Variants in SPTLC2 observed in about 807,000 individuals in gnomAD.
SPTLC2 encodes serine palmitoyltransferase long chain base subunit 2.
A neutral mutation model predicts 62.0 loss-of-function variants in SPTLC2; 21 were observed. The observed-to-expected ratio is 0.34, with a 90% CI of 0.24 to 0.49. The LOEUF is 0.49. Ranked by LOEUF, SPTLC2 falls within the 20% of genes least tolerant of loss-of-function variation. The pLI is 0.99. For synonymous variants in SPTLC2, 261 were observed against 261.8 expected (o/e 1.00, Z 0.03); for missense variants, 511 against 713.0 (o/e 0.72, Z 3.23).
chr14:77,534,769 C>T (rs1416743939), intron 9 of SPTLC2, among the ~76,000 whole-genome samples: 2 of 152,096 alleles, frequency 1.3e-5, no homozygotes, highest in African/African-American at 4.8e-5. Flanking sequence ...ACTCATGATG[C>T]ACCAGATATT....
intron 9 of SPTLC2, among the ~76,000 whole-genome samples, chr14:77,548,648 A>G (rs1399600357): frequency 6.6e-6 from 1 of 152,198 alleles, no homozygotes. Flanking sequence ...CACAATTCCC[A>G]TTCATTATTA....
rs1310457032 is a variant in SPTLC2, at chr14:77,570,600, T to C, written c.632-92A>G. Reference sequence around the variant, plus strand: ...TTAAAAGAAATCATAGTATATGTGTTGTGTCCTTTTCAGACTAAGATCTAT... The same window carrying C: ...TTAAAAGAAATCATAGTATATGTGTCGTGTCCTTTTCAGACTAAGATCTAT... On this transcript the variant is annotated intron_variant, in intron 4 of 11. Transcript: ENST00000216484. 2.7e-6 allele frequency: 4 copies of C among 1,501,452 alleles called. No individual in the cohort carries two copies. In the Admixed American group the frequency reaches 6.9e-5, roughly 26 times the overall value. 93.0% of individuals were successfully genotyped at this position (1,501,452 alleles called of 1,614,324 possible). A position where few individuals can be genotyped will look rare whatever the true frequency, so the allele number is the denominator to read the frequency against.
At chr14:77,581,384 G>A (rs1360190922) in intron 2 of SPTLC2, among the ~76,000 whole-genome samples, 1 of 148,106 alleles carries the variant, frequency 6.8e-6, no homozygotes, top group Non-Finnish European at 1.5e-5. Context: ...CTAAGAATTT[G>A]CAGTACCTGA....
intron 9 of SPTLC2, among the ~76,000 whole-genome samples, chr14:77,532,965 T>C (rs2079448781): frequency 6.6e-6 from 1 of 151,830 alleles, no homozygotes; most frequent in East Asian, 1.9e-4. Flanking sequence ...CATGAACAAA[T>C]GCTTCATGTT....
intron 5 of SPTLC2, 106 bp from the exon 6 acceptor site, chr14:77,562,595 T>C (rs1393568384): frequency 9.3e-6 from 8 of 858,146 alleles, no homozygotes; most frequent in South Asian, 5.8e-5. Flanking sequence ...ATTAAGGAAA[T>C]TGTGCACAAC....
In SPTLC2 at chr14:77,568,555, T is replaced by G. The variant is rs148335560; in HGVS notation, c.756+1829A>C. Among the ~76,000 whole-genome samples, 7 of 152,286 alleles carry G rather than the reference T, an allele frequency of 4.6e-5. No individual in the cohort carries two copies. In the East Asian group the frequency reaches 1.3e-3, roughly 29 times the overall value. ...AGGGCACAGTGGCTCACGCCTGTAA[T>G]CCCAGCACTTTGGGAGGCCGAGGCA... On this transcript the variant is annotated intron_variant, in intron 5 of 11. Coordinates refer to ENST00000216484, the MANE Select transcript of SPTLC2 (RefSeq NM_004863.4).
chr14:77,514,853 A>AT lies in SPTLC2; in HGVS notation c.1570-2451dup, dbSNP rs2079350974. On this transcript the variant is annotated intron_variant, in intron 11 of 11. Transcript: ENST00000216484. ...TGCCACCAATCTATTTTCTGACCCT[A>AT]TGATTTGCCTGTTCTGGACATCTCT... Among the ~76,000 whole-genome samples, 19 of 152,242 alleles carry AT rather than the reference A, an allele frequency of 1.2e-4. 1 individual carries two copies. In the South Asian group the frequency reaches 3.9e-3, roughly 32 times the overall value.
intron 9 of SPTLC2, among the ~76,000 whole-genome samples, chr14:77,526,636 G>A (rs2079410362): frequency 6.6e-6 from 1 of 151,580 alleles, no homozygotes; most frequent in Non-Finnish European, 1.5e-5. Flanking sequence ...GCATGGAAGA[G>A]ACAGAGAAAA....
In SPTLC2 at chr14:77,616,471, C is replaced by A. The variant is rs1245435236; in HGVS notation, c.109G>T (p.Ala37Ser). 4.0e-6 allele frequency: 6 copies of A among 1,496,138 alleles called. No individual in the cohort carries two copies. Among genetic ancestry groups the A allele is most frequent in the Non-Finnish European group, 5.3e-6 (6 of 1,129,084 alleles). 92.7% of individuals were successfully genotyped at this position (1,496,138 alleles called of 1,614,324 possible). ...NGYVRSSAAAAAAAAAGQIHH... is the reference protein window; with the variant it reads ...NGYVRSSAAASAAAAAGQIHH... ...ACCTGGCCGGCGGCGGCTGCGGCTG[C>A]GGCTGCAGCGCTGCTCCTCACGTAC... Residue 37 changes from alanine to serine, a missense_variant, in exon 1 of 12, where the codon GCA (alanine) becomes TCA (serine). By Grantham distance (99) the Ala-to-Ser change is moderately conservative. Coordinates refer to ENST00000216484, the MANE Select transcript of SPTLC2 (RefSeq NM_004863.4).
At chr14:77,605,256 C>T (rs1324876332) in intron 1 of SPTLC2, among the ~76,000 whole-genome samples, 1 of 151,978 alleles carries the variant, frequency 6.6e-6, no homozygotes, top group African/African-American at 2.4e-5. Flanking sequence ...AGGAATCCTC[C>T]CAGTTTGGCC....
Position 77,599,961 on chromosome 14 carries a change from T to A in SPTLC2, c.133-2581A>T, listed in dbSNP as rs183730108. Reference sequence around the variant, plus strand: ...ACCAGTGCTGAACTCTCCCTAACTATGAAATTATTTAAACTATTTACTCTC... The same window carrying A: ...ACCAGTGCTGAACTCTCCCTAACTAAGAAATTATTTAAACTATTTACTCTC... On this transcript the variant is annotated intron_variant, in intron 1 of 11. Coordinates refer to ENST00000216484, the MANE Select transcript of SPTLC2 (RefSeq NM_004863.4). Among the ~76,000 whole-genome samples the A allele has an allele frequency of 7.9e-5, 12 of 152,320 alleles. No homozygotes were observed. The East Asian group carries it at 2.3e-3, about 29-fold the overall frequency.
chr14:77,562,044 C>T (rs1258797817), intron 6 of SPTLC2, among the ~76,000 whole-genome samples: 1 of 152,226 alleles, frequency 6.6e-6, no homozygotes, highest in Non-Finnish European at 1.5e-5. Flanking sequence ...ACTGGCTTAT[C>T]TATTAAGTCT....
intron 5 of SPTLC2, among the ~76,000 whole-genome samples, chr14:77,569,852 A>AAAATATAAAAATAAAATAATAT (rs543001541): frequency 3.7e-4 from 24 of 65,062 alleles, no homozygotes; most frequent in East Asian, 7.3e-4. Context: ...TATTATATAT[A>AAAATATAAAAATAAAATAATAT]TGTATATAAA....
chr14:77,551,390 C>CAAAAAAAAAAAAAAAAAAAAAAACA (rs11347331), intron 9 of SPTLC2, among the ~76,000 whole-genome samples: 1 of 61,168 alleles, frequency 1.6e-5, no homozygotes. Context: ...GACTCCGTCT[C>CAAAAAAAAAAAAAAAAAAAAAAACA]AAAAAAAAAA....
intron 9 of SPTLC2, among the ~76,000 whole-genome samples, chr14:77,527,627 G>A (rs1261509282): frequency 1.3e-5 from 2 of 152,098 alleles, no homozygotes; most frequent in Non-Finnish European, 2.9e-5. Flanking sequence ...GTAATCTTAA[G>A]GTTAGAAGGA....
intron 1 of SPTLC2, among the ~76,000 whole-genome samples, chr14:77,610,531 A>G (rs990848778): frequency 2.6e-5 from 4 of 152,074 alleles, no homozygotes; most frequent in African/African-American, 9.7e-5. Flanking sequence ...AGCAATCCTT[A>G]CACCTTGGCT....
At chr14:77,553,345 A>G (rs2079565189) in intron 8 of SPTLC2, among the ~76,000 whole-genome samples, 1 of 152,168 alleles carries the variant, frequency 6.6e-6, no homozygotes, top group South Asian at 2.1e-4. Context: ...TTATTTTTCT[A>G]TCCTTTGGTT....
intron 9 of SPTLC2, among the ~76,000 whole-genome samples, chr14:77,550,657 G>A (rs190309230): frequency 1.1e-3 from 156 of 146,466 alleles, no homozygotes; most frequent in Admixed American, 3.6e-3. Flanking sequence ...ATTCCAGCAC[G>A]TTGGAAGGCC....
chr14:77,515,905 C>T (rs1027305422), intron 11 of SPTLC2, among the ~76,000 whole-genome samples: 14 of 142,650 alleles, frequency 9.8e-5, no homozygotes, highest in African/African-American at 3.2e-4. Context: ...TTCATTTGTT[C>T]ATTGCTGGTG....
Sources: gnomAD v4.1 joint callset for allele counts (sites outside exome capture counted in the v4.1 genomes callset) on GRCh38, gnomAD v4.1.1 for gene constraint, MANE v1.5 for transcripts, NCBI Gene and HGNC (gene_info 2026-07-23, HGNC 2026-07-21) for gene names.